The following GNAT1 variants were observed in gnomAD, a reference collection of about 807,000 sequenced individuals.
GNAT1 encodes guanine nucleotide-binding protein G(t) subunit alpha-1.
In GNAT1, 36 loss-of-function variants were observed where a neutral mutation model predicts 40.0. That is an observed-to-expected ratio of 0.90 (90% CI 0.69 to 1.19). The LOEUF (loss-of-function observed/expected upper bound fraction) is 1.19. Ranked by LOEUF, GNAT1 falls within the 50% of genes most tolerant of loss-of-function variation. The pLI is 0.00. For missense variants in GNAT1, 413 were observed against 480.6 expected (o/e 0.86, Z 1.32); for synonymous variants, 195 against 192.9 (o/e 1.01, Z -0.09).
chr3:50,194,131 G>A lies in GNAT1; in HGVS notation c.618G>A (p.Lys206=), dbSNP rs778862352. Residue 206 remains lysine, a synonymous_variant, in exon 6 of 9, where the codon AAG becomes AAA. Coordinates refer to ENST00000232461, the MANE Select transcript of GNAT1 (RefSeq NM_144499.3). The surrounding 1 kb of genome is among the most constrained non-coding windows in gnomAD (Gnocchi z 6.1). ...GCGGGCAGCGCTCGGAGCGCAAGAA[G>A]TGGATCCACTGCTTCGAGGGCGTGA... ...DVGGQRSERK[K]WIHCFEGVTC... The A allele has an allele frequency of 6.2e-6, 10 of 1,613,944 alleles. No individual in the cohort carries two copies. The highest frequency in any genetic ancestry group is 4.0e-5 in the African/African-American group (3 of 74,952).
rs1485811697 is a variant in GNAT1 at position 50,196,281 on chromosome 3, AG to A, written c.*1018del. The A allele has an allele frequency of 2.0e-5, 3 of 152,328 alleles. No homozygotes were observed. Among genetic ancestry groups the A allele is most frequent in the African/African-American group, 7.2e-5 (3 of 41,446 alleles). 9.4% of individuals were successfully genotyped at this position (152,328 alleles called of 1,614,324 possible). On this transcript the variant is annotated 3_prime_UTR_variant, in exon 9 of 9. Coordinates refer to ENST00000232461, the MANE Select transcript of GNAT1 (RefSeq NM_144499.3). ...GCAGCTTCTCTTGCCCCTTCCATTC[AG>A]GGTTCCCTGGCAGGGGAAGCTGAGA...
rs906345133 is a variant in GNAT1 at position 50,191,926 on chromosome 3, G to A, written c.106+95G>A. 1.2e-5 allele frequency: 10 copies of A among 822,220 alleles called. No individual in the cohort carries two copies. In the African/African-American group the frequency reaches 1.7e-4, roughly 14 times the overall value. The allele number at this position is 822,220 out of a possible 1,614,324, so 50.9% of individuals were successfully genotyped here. On this transcript the variant is annotated intron_variant, in intron 1 of 8. Coordinates refer to ENST00000232461, the MANE Select transcript of GNAT1 (RefSeq NM_144499.3). ...CTGTGAAGCAAGGATTCCCTGGGAAGCAGTATGAGCCTGTGACAGAGTAGG... is the reference window on the plus strand; with the variant it reads ...CTGTGAAGCAAGGATTCCCTGGGAAACAGTATGAGCCTGTGACAGAGTAGG...
rs1699472592 is a variant in GNAT1 at position 50,194,515 on chromosome 3, G to C, written c.723G>C (p.Glu241Asp). The change falls in exon 7 of 9, where the codon GAG becomes GAC. Residue 241 changes from glutamate to aspartate, a missense_variant. Transcript: ENST00000232461. This position sits in a 1 kb window ranked among gnomAD's most constrained non-coding sequence, Gnocchi z 6.1. ...GCCCTCCTCAGAACCGCATGCACGA[G>C]AGCCTGCACCTGTTCAACAGCATCT... The part of the protein sequence containing the change: ...VEDDEVNRMH[E>D]SLHLFNSICN... 3 of 1,613,370 alleles carry C rather than the reference G, an allele frequency of 1.9e-6. No homozygotes were observed. The East Asian group carries it at 6.7e-5, about 36-fold the overall frequency.
In GNAT1 at chr3:50,195,329, C is replaced by T. The variant is rs1056960489; in HGVS notation, c.*63C>T. On this transcript the variant is annotated 3_prime_UTR_variant, in exon 9 of 9. Coordinates refer to ENST00000232461, the MANE Select transcript of GNAT1 (RefSeq NM_144499.3). ...TGGTAGCCCTAGCTGCCTTGCAGCC[C>T]CAAACCCCAGGACCCTATCAGCCCC... 5 of 358,218 alleles carry T rather than the reference C, an allele frequency of 1.4e-5. No homozygotes were observed. Among genetic ancestry groups the T allele is most frequent in the African/African-American group, 8.4e-5 (4 of 47,504 alleles). 22.2% of individuals were successfully genotyped at this position (358,218 alleles called of 1,614,324 possible). A position where few individuals can be genotyped will look rare whatever the true frequency, so the allele number is the denominator to read the frequency against.
chr3:50,194,305 G>A lies in GNAT1; in HGVS notation c.708+84G>A. On this transcript the variant is annotated intron_variant, in intron 6 of 8. Coordinates refer to ENST00000232461, the MANE Select transcript of GNAT1 (RefSeq NM_144499.3). The surrounding 1 kb of genome is among the most constrained non-coding windows in gnomAD (Gnocchi z 6.1). ...AGGCGGAGACCGCGCGCTGGGCTGGGGGAGGGCACGGGAGGGGATGCCTGT... is the reference window on the plus strand; with the variant it reads ...AGGCGGAGACCGCGCGCTGGGCTGGAGGAGGGCACGGGAGGGGATGCCTGT... 1.4e-6 allele frequency: 2 copies of A among 1,476,848 alleles called. No individual in the cohort carries two copies. The highest frequency in any genetic ancestry group is 1.8e-6 in the Non-Finnish European group (2 of 1,085,060). The allele number at this position is 1,476,848 out of a possible 1,614,324, so 91.5% of individuals were successfully genotyped here.
chr3:50,194,146 C>T lies in GNAT1; in HGVS notation c.633C>T (p.Phe211=). ...AGCGCAAGAAGTGGATCCACTGCTT[C>T]GAGGGCGTGACCTGCATCATCTTCA... ...RSERKKWIHC[F]EGVTCIIFIA... is the part of the protein sequence containing the mutation. Residue 211 remains phenylalanine (F), a synonymous_variant, in exon 6 of 9, where the codon TTC becomes TTT. Coordinates refer to ENST00000232461, the MANE Select transcript of GNAT1 (RefSeq NM_144499.3). This position sits in a 1 kb window ranked among gnomAD's most constrained non-coding sequence, Gnocchi z 6.1. 2 of 1,613,976 alleles carry T rather than the reference C, an allele frequency of 1.2e-6. No homozygotes were observed. The highest frequency in any genetic ancestry group is 1.7e-6 in the Non-Finnish European group (2 of 1,179,858).
Position 50,194,752 on chromosome 3 carries a change from C to T in GNAT1, c.863-13C>T. 6.2e-7 allele frequency: 1 copy of T among 1,613,368 alleles called. No homozygotes were observed. Among genetic ancestry groups the T allele is most frequent in the African/African-American group, 1.3e-5 (1 of 75,006 alleles). On this transcript the variant is annotated splice_polypyrimidine_tract_variant and intron_variant, in intron 7 of 8. Coordinates refer to ENST00000232461, the MANE Select transcript of GNAT1 (RefSeq NM_144499.3). This position sits in a 1 kb window ranked among gnomAD's most constrained non-coding sequence, Gnocchi z 6.1. ...GGAAGGGCTGAGCAGAGTGAGAGCT[C>T]CCGCCCCCGCAGGACCCAACACCTA...
chr3:50,193,469 C>A lies in GNAT1; in HGVS notation c.292-37C>A, dbSNP rs201305115. The A allele has an allele frequency of 6.2e-7, 1 of 1,605,820 alleles. No homozygotes were observed. Among genetic ancestry groups the A allele is most frequent in the South Asian group, 1.1e-5 (1 of 90,620 alleles). On this transcript the variant is annotated intron_variant, in intron 3 of 8. Coordinates refer to ENST00000232461, the MANE Select transcript of GNAT1 (RefSeq NM_144499.3). This position sits in a 1 kb window ranked among gnomAD's most constrained non-coding sequence, Gnocchi z 8.1. ...TCGAGGCTCGCGGCTGGGCCCGAGT[C>A]CCTGGCCGCCACCAGCCACTCTCAC...
Position 50,193,319 on chromosome 3 carries a change from C to T in GNAT1, c.204C>T (p.Ile68=), listed in dbSNP as rs1205473151. 5 of 1,614,094 alleles carry T rather than the reference C, an allele frequency of 3.1e-6. No individual in the cohort carries two copies. The highest frequency in any genetic ancestry group is 4.2e-6 in the Non-Finnish European group (5 of 1,179,918). The part of the protein sequence containing the change: ...SLEECLEFIA[I]IYGNTLQSIL... Reference sequence around the variant, plus strand: ...AAGAGTGCCTCGAGTTTATCGCCATCATCTACGGCAACACGTTGCAGTCCA... The same window carrying T: ...AAGAGTGCCTCGAGTTTATCGCCATTATCTACGGCAACACGTTGCAGTCCA... Residue 68 remains isoleucine (I), a synonymous_variant, in exon 3 of 9, where the codon ATC becomes ATT. Transcript: ENST00000232461. This position sits in a 1 kb window ranked among gnomAD's most constrained non-coding sequence, Gnocchi z 8.1.
In GNAT1 at chr3:50,194,994, C is replaced by T. The variant is rs371682974; in HGVS notation, c.*1+38C>T. ...CCTCTCCAGGCTCTTGCCTCAATACCCCAGCCCCGTCCAGCTCCCCACCCC... is the reference window on the plus strand; with the variant it reads ...CCTCTCCAGGCTCTTGCCTCAATACTCCAGCCCCGTCCAGCTCCCCACCCC... On this transcript the variant is annotated intron_variant, in intron 8 of 8. Coordinates refer to ENST00000232461, the MANE Select transcript of GNAT1 (RefSeq NM_144499.3). This position sits in a 1 kb window ranked among gnomAD's most constrained non-coding sequence, Gnocchi z 6.1. The T allele has an allele frequency of 1.4e-6, 2 of 1,462,062 alleles. No individual in the cohort carries two copies. Among genetic ancestry groups the T allele is most frequent in the Non-Finnish European group, 1.9e-6 (2 of 1,056,590 alleles). The allele number at this position is 1,462,062 out of a possible 1,614,324, so 90.6% of individuals were successfully genotyped here. A position where few individuals can be genotyped will look rare whatever the true frequency, so the allele number is the denominator to read the frequency against.
chr3:50,194,485 C>T lies in GNAT1; in HGVS notation c.709-16C>T. 1.2e-6 allele frequency: 2 copies of T among 1,612,574 alleles called. No individual in the cohort carries two copies. Among genetic ancestry groups the T allele is most frequent in the East Asian group, 2.2e-5 (1 of 44,868 alleles). On this transcript the variant is annotated splice_polypyrimidine_tract_variant and intron_variant, in intron 6 of 8. Coordinates refer to ENST00000232461, the MANE Select transcript of GNAT1 (RefSeq NM_144499.3). This position sits in a 1 kb window ranked among gnomAD's most constrained non-coding sequence, Gnocchi z 6.1. ...GGACGCTACCCCGGGTGCCCAACAG[C>T]TGCTGCCCTCCTCAGAACCGCATGC... is the stretch of plus-strand genomic sequence containing the variant.
rs748754383 is a variant in GNAT1 at position 50,193,585 on chromosome 3, A to G, written c.371A>G (p.Gln124Arg). The G allele has an allele frequency of 1.2e-6, 2 of 1,613,074 alleles. No individual in the cohort carries two copies. Among genetic ancestry groups the G allele is most frequent in the Admixed American group, 3.3e-5 (2 of 60,028 alleles). Reference sequence around the variant, plus strand: ...CCCAAGGAGATGTCGGACATCATCCAGCGGCTGTGGAAGGACTCCGGTATC... The same window carrying G: ...CCCAAGGAGATGTCGGACATCATCCGGCGGCTGTGGAAGGACTCCGGTATC... ...TMPKEMSDII[Q>R]RLWKDSGIQA... The change falls in exon 4 of 9, where the codon CAG becomes CGG. Residue 124 changes from glutamine (Q) to arginine (R), a missense_variant. Transcript: ENST00000232461. This position sits in a 1 kb window ranked among gnomAD's most constrained non-coding sequence, Gnocchi z 8.1.
In GNAT1 at chr3:50,193,678, A is replaced by AGTGCGGG; in HGVS notation, c.449+16_449+17insTGCGGGG. On this transcript the variant is annotated intron_variant, in intron 4 of 8. Coordinates refer to ENST00000232461, the MANE Select transcript of GNAT1 (RefSeq NM_144499.3). This position sits in a 1 kb window ranked among gnomAD's most constrained non-coding sequence, Gnocchi z 8.1. ...TCGGCGGGCTAGTGAGCGCGCGGGC[A>AGTGCGGG]GCGCGGGGCGCGGGGCGCGGGGCGC... The AGTGCGGG allele has an allele frequency of 6.2e-7, 1 of 1,609,388 alleles. No homozygotes were observed. The highest frequency in any genetic ancestry group is 1.7e-5 in the Admixed American group (1 of 59,800).
Position 50,193,318 on chromosome 3 carries a change from T to A in GNAT1, c.203T>A (p.Ile68Asn). The A allele has an allele frequency of 1.2e-6, 2 of 1,614,090 alleles. No individual in the cohort carries two copies. The highest frequency in any genetic ancestry group is 1.7e-6 in the Non-Finnish European group (2 of 1,179,972). Residue 68 changes from isoleucine to asparagine, a missense_variant, in exon 3 of 9, where the codon ATC becomes AAC. By Grantham distance (149) the Ile-to-Asn change is moderately radical. Coordinates refer to ENST00000232461, the MANE Select transcript of GNAT1 (RefSeq NM_144499.3). This position sits in a 1 kb window ranked among gnomAD's most constrained non-coding sequence, Gnocchi z 8.1. The part of the protein sequence containing the change: ...SLEECLEFIA[I>N]IYGNTLQSIL... Reference sequence around the variant, plus strand: ...GAAGAGTGCCTCGAGTTTATCGCCATCATCTACGGCAACACGTTGCAGTCC... The same window carrying A: ...GAAGAGTGCCTCGAGTTTATCGCCAACATCTACGGCAACACGTTGCAGTCC...
chr3:50,191,883 G>C, intron 1 of GNAT1, 52 bp downstream of exon 1: 1 of 1,135,174 alleles, frequency 8.8e-7, no homozygotes, highest in Non-Finnish European at 1.3e-6. Flanking sequence ...TTGGTCTGGA[G>C]GCAGGCAGGC....
rs756645905 is a variant in GNAT1, at chr3:50,193,640, C to T, written c.426C>T (p.Tyr142=). Residue 142 remains tyrosine, a synonymous_variant, in exon 4 of 9, where the codon TAC becomes TAT. Coordinates refer to ENST00000232461, the MANE Select transcript of GNAT1 (RefSeq NM_144499.3). This position sits in a 1 kb window ranked among gnomAD's most constrained non-coding sequence, Gnocchi z 8.1. The part of the protein sequence containing the change: ...IQACFERASE[Y]QLNDSAGYYL... ...CCTGTTTTGAGCGCGCCTCGGAGTA[C>T]CAGCTCAACGACTCGGCGGGCTAGT... 1.2e-6 allele frequency: 2 copies of T among 1,612,178 alleles called. No individual in the cohort carries two copies. Among genetic ancestry groups the T allele is most frequent in the Admixed American group, 1.7e-5 (1 of 60,022 alleles).
chr3:50,192,296 CAACG>C (rs937764909), intron 1 of GNAT1, among the ~76,000 whole-genome samples: 6 of 152,200 alleles, frequency 3.9e-5, no homozygotes, highest in African/African-American at 1.4e-4. Flanking sequence ...CCCAGATCCA[CAACG>C]AATGGCCCTC....
intron 1 of GNAT1, among the ~76,000 whole-genome samples, chr3:50,192,414 G>T (rs1445538717): frequency 1.3e-5 from 2 of 152,186 alleles, no homozygotes; most frequent in Non-Finnish European, 2.9e-5. Flanking sequence ...CTGGACCATG[G>T]GCACTGAGGA....
intron 8 of GNAT1, 45 bp from the exon 9 acceptor site, chr3:50,195,223 T>C (rs1699483995): frequency 1.9e-6 from 1 of 531,740 alleles, no homozygotes; most frequent in African/African-American, 1.9e-5. Context: ...CCTAAACCCA[T>C]TTATTTTGGG....
Sources: allele counts gnomAD v4.1 joint callset (sites outside exome capture counted in the v4.1 genomes callset), GRCh38; gene constraint gnomAD v4.1.1; non-coding constraint Gnocchi (gnomAD v3.1); transcripts MANE v1.5; gene names NCBI Gene and HGNC (gene_info 2026-07-23, HGNC 2026-07-21).